The following ARHGAP42 variants were observed in gnomAD, a reference collection of about 807,000 sequenced individuals.
ARHGAP42 encodes Rho GTPase activating protein 42.
In ARHGAP42, 63 loss-of-function variants were observed where a neutral mutation model predicts 125.0. The observed-to-expected ratio is 0.50, with a 90% CI of 0.41 to 0.62. The LOEUF (loss-of-function observed/expected upper bound fraction) is 0.62, where lower values mean the gene tolerates loss of function less well. ARHGAP42 is among the 20% of genes least tolerant of loss of function. The pLI is 0.00. For missense variants in ARHGAP42, 766 were observed against 1,024.2 expected, an observed-to-expected ratio of 0.75 and a Z score of 3.44; for synonymous variants, 339 against 351.0, an observed-to-expected ratio of 0.97 and a Z score of 0.38.
At chr11:100,832,259 A>T (rs1203112850) in intron 3 of ARHGAP42, among the ~76,000 whole-genome samples, 1 of 152,180 alleles carries the variant, frequency 6.6e-6, no homozygotes, top group African/African-American at 2.4e-5. Context: ...CTGAACGAGG[A>T]TGGGCATAGT....
chr11:100,835,766 A>G (rs997153908), intron 3 of ARHGAP42, among the ~76,000 whole-genome samples: 1 of 146,800 alleles, frequency 6.8e-6, no homozygotes, highest in Non-Finnish European at 1.5e-5. Context: ...ATATATGTAT[A>G]TATATATTCC....
At chr11:100,749,439 G>A (rs1189838930) in intron 1 of ARHGAP42, among the ~76,000 whole-genome samples, 1 of 148,778 alleles carries the variant, frequency 6.7e-6, no homozygotes, top group African/African-American at 2.5e-5. Flanking sequence ...GTCTCACCTG[G>A]CCTGTCCCGG....
At chr11:100,980,559 C>CTTCTTCTTTTTTTTT (rs1555037006) in intron 22 of ARHGAP42, among the ~76,000 whole-genome samples, 7 of 51,960 alleles carry the variant, frequency 1.3e-4, no homozygotes, top group Non-Finnish European at 1.5e-4. Flanking sequence ...TTTTCTTCTT[C>CTTCTTCTTTTTTTTT]TTTTTTTTTT....
intron 4 of ARHGAP42, among the ~76,000 whole-genome samples, chr11:100,880,211 T>C (rs960611272): frequency 3.1e-4 from 47 of 152,336 alleles, no homozygotes; most frequent in African/African-American, 1.1e-3. Context: ...ACCCAAGCAG[T>C]ATACACTGTA....
chr11:100,693,143 T>C (rs2120172530), intron 1 of ARHGAP42, among the ~76,000 whole-genome samples: 1 of 151,486 alleles, frequency 6.6e-6, no homozygotes, highest in East Asian at 1.9e-4. Context: ...TTTTTGGTTA[T>C]ATAAATTTGC....
intron 1 of ARHGAP42, among the ~76,000 whole-genome samples, chr11:100,752,574 A>G (rs1203059850): frequency 6.6e-6 from 1 of 152,166 alleles, no homozygotes; most frequent in Non-Finnish European, 1.5e-5. Context: ...CCACCCAGTG[A>G]GTCTGCCGTA....
intron 4 of ARHGAP42, among the ~76,000 whole-genome samples, chr11:100,898,931 G>A (rs1029362539): frequency 6.6e-6 from 1 of 152,106 alleles, no homozygotes; most frequent in Non-Finnish European, 1.5e-5. Context: ...TAATTGTGAT[G>A]TTAGGGTGTC....
intron 1 of ARHGAP42, among the ~76,000 whole-genome samples, chr11:100,694,525 T>A (rs1378473541): frequency 6.6e-6 from 1 of 152,230 alleles, no homozygotes; most frequent in Non-Finnish European, 1.5e-5. Context: ...TGGTAATTTC[T>A]GCTCATTTCA....
chr11:100,692,877 C>G (rs1266549137), intron 1 of ARHGAP42, among the ~76,000 whole-genome samples: 1 of 152,194 alleles, frequency 6.6e-6, no homozygotes. Context: ...CAAGATGAGG[C>G]ACCTCTGCCT....
chr11:100,748,354 T>C lies in ARHGAP42; in HGVS notation c.155-21989T>C, dbSNP rs535011495. On this transcript the variant is annotated intron_variant, in intron 1 of 23. Transcript: ENST00000298815. ...TTCCATATCACTCTCTGAATACCCA[T>C]TGTGTCTTTTTCCCTCAATCACCCG... is the stretch of plus-strand genomic sequence containing the variant. 2.6e-5 allele frequency among the ~76,000 whole-genome samples: 4 copies of C among 152,016 alleles called. No homozygotes were observed. In the South Asian group the frequency reaches 8.3e-4, roughly 32 times the overall value.
At chr11:100,905,516 A>G (rs555021361) in intron 4 of ARHGAP42, among the ~76,000 whole-genome samples, 121 of 152,322 alleles carry the variant, frequency 7.9e-4, no homozygotes, top group African/African-American at 2.6e-3. Flanking sequence ...TTTTTAAAAG[A>G]TCAACGCTCA....
chr11:100,781,679 T>G (rs595030), intron 2 of ARHGAP42, among the ~76,000 whole-genome samples: 76,101 of 152,076 alleles, frequency 0.5, 19,885 homozygotes, highest in South Asian at 0.63. Context: ...AAGTTCACTA[T>G]ATATTAAACT....
At chr11:100,899,728 TTTTTTG>T (rs1219371067) in intron 4 of ARHGAP42, among the ~76,000 whole-genome samples, 2 of 97,154 alleles carry the variant, frequency 2.1e-5, no homozygotes, top group Non-Finnish European at 2.0e-5. Context: ...TTTTGTTTTT[TTTTTTG>T]TTTTTTTTTG....
chr11:100,805,377 A>G (rs1290740320), intron 3 of ARHGAP42, among the ~76,000 whole-genome samples: 1 of 152,234 alleles, frequency 6.6e-6, no homozygotes, highest in Non-Finnish European at 1.5e-5. Context: ...TTACTTCAAT[A>G]TCTTACAAAA....
intron 1 of ARHGAP42, among the ~76,000 whole-genome samples, chr11:100,709,572 CTG>C (rs1165302975): frequency 6.6e-6 from 1 of 151,870 alleles, no homozygotes; most frequent in Admixed American, 6.5e-5. Flanking sequence ...CCTCAGTTGA[CTG>C]TGAGTAACTG....
intron 12 of ARHGAP42, among the ~76,000 whole-genome samples, chr11:100,958,524 CACACACACATATATAT>C (rs1857867497): frequency 6.6e-6 from 1 of 151,810 alleles, no homozygotes; most frequent in South Asian, 2.1e-4. Context: ...AACACATACA[CACACACACATATATAT>C]ACACACATAT....
intron 5 of ARHGAP42, 21 bp from the exon 6 acceptor site, chr11:100,921,473 C>T (rs1255655093): frequency 6.7e-7 from 1 of 1,484,384 alleles, no homozygotes; most frequent in Non-Finnish European, 9.1e-7. Flanking sequence ...TCAGTAATCA[C>T]CCTCTGGTTT....
In ARHGAP42 at chr11:100,894,623, G is replaced by A. The variant is rs923842886; in HGVS notation, c.385-18829G>A. Among the ~76,000 whole-genome samples, 5 of 152,154 alleles carry A rather than the reference G, an allele frequency of 3.3e-5. No homozygotes were observed. In the East Asian group the frequency reaches 9.6e-4, roughly 29 times the overall value. On this transcript the variant is annotated intron_variant, in intron 4 of 23. Transcript: ENST00000298815. ...CTACCAAGCTGACAATTTTTATGAT[G>A]ATTTCCATAATGCTGGTTATCATGT...
At chr11:100,817,350 G>A (rs113890474) in intron 3 of ARHGAP42, among the ~76,000 whole-genome samples, 56 of 152,290 alleles carry the variant, frequency 3.7e-4, no homozygotes, top group African/African-American at 1.3e-3. Context: ...CCTTTCTAGT[G>A]TATCTAATAG....
Sources: allele counts gnomAD v4.1 joint callset (sites outside exome capture counted in the v4.1 genomes callset), GRCh38; gene constraint gnomAD v4.1.1; transcripts MANE v1.5; gene names NCBI Gene and HGNC (gene_info 2026-07-23, HGNC 2026-07-21).